The following CCNY variants were observed in gnomAD, a reference collection of about 807,000 sequenced individuals.
CCNY encodes the protein cyclin Y, also known as cyclin-Y.
CCNY carries 19 observed loss-of-function variants against 42.8 expected under a neutral mutation model. The ratio of observed to expected loss-of-function variants is 0.44; its 90% CI spans 0.31 to 0.65. The LOEUF is 0.65. Among genes scored for constraint, CCNY ranks in the 30% least tolerant of loss-of-function variants. The pLI is 0.07. For missense variants in CCNY, 370 were observed against 437.3 expected (o/e 0.85, Z 1.37); for synonymous variants, 165 against 162.7 (o/e 1.01, Z -0.11).
intron 3 of CCNY, among the ~76,000 whole-genome samples, chr10:35,286,362 CTTT>C (rs546422909): frequency 7.1e-6 from 1 of 141,790 alleles, no homozygotes. Flanking sequence ...TTTTACCATA[CTTT>C]TTTTTTTTTT....
chr10:35,495,875 AG>A (rs1393771373), intron 2 of CCNY, among the ~76,000 whole-genome samples: 1 of 152,214 alleles, frequency 6.6e-6, no homozygotes. Context: ...GGGGCTCAAC[AG>A]TTGTTTTGAA....
intron 3 of CCNY, among the ~76,000 whole-genome samples, chr10:35,272,318 G>A (rs1038514704): frequency 9.2e-5 from 14 of 151,758 alleles, no homozygotes; most frequent in African/African-American, 3.4e-4. Flanking sequence ...TTACATTCAG[G>A]GGTACATGTG....
intron 3 of CCNY, among the ~76,000 whole-genome samples, chr10:35,277,119 G>T (rs188847637): frequency 8.5e-5 from 13 of 152,280 alleles, no homozygotes; most frequent in South Asian, 2.1e-4. Flanking sequence ...TTCTTCCCTT[G>T]TCAGGCCCAG....
chr10:35,486,117 A>G (rs1564430392), intron 2 of CCNY, among the ~76,000 whole-genome samples: 1 of 152,180 alleles, frequency 6.6e-6, no homozygotes, highest in Admixed American at 6.5e-5. Flanking sequence ...TAAGAATTCC[A>G]GTTAACTTTC....
intron 1 of CCNY, among the ~76,000 whole-genome samples, chr10:35,424,641 A>G (rs1285359390): frequency 1.3e-5 from 2 of 152,206 alleles, no homozygotes; most frequent in East Asian, 3.8e-4. Context: ...ACAGGGAGGC[A>G]TGTCTGATAC....
intron 1 of CCNY, among the ~76,000 whole-genome samples, chr10:35,354,264 C>A (rs571973808): frequency 2.0e-5 from 3 of 150,794 alleles, no homozygotes; most frequent in Admixed American, 2.0e-4. Context: ...CAGCTCACTG[C>A]AACCTCTGTC....
At chr10:35,345,491 G>A (rs1043167992) in intron 1 of CCNY, among the ~76,000 whole-genome samples, 2 of 150,324 alleles carry the variant, frequency 1.3e-5, no homozygotes, top group East Asian at 1.9e-4. Context: ...AAACTGACTC[G>A]CCTTACACAT....
chr10:35,511,848 C>G (rs1299992337), intron 3 of CCNY, among the ~76,000 whole-genome samples: 1 of 152,064 alleles, frequency 6.6e-6, no homozygotes, highest in African/African-American at 2.4e-5. Context: ...AACCGTGAAC[C>G]TGGAGAGATG....
At chr10:35,412,212 T>C (rs1047865328) in intron 1 of CCNY, among the ~76,000 whole-genome samples, 7 of 152,192 alleles carry the variant, frequency 4.6e-5, no homozygotes, top group African/African-American at 1.7e-4. Context: ...GGGGAAGTTG[T>C]AACTTCGTTA....
intron 1 of CCNY, among the ~76,000 whole-genome samples, chr10:35,466,111 T>C (rs1325090805): frequency 1.3e-5 from 2 of 152,008 alleles, no homozygotes. Context: ...CTCATTTCTG[T>C]AGTCAGCACA....
intron 3 of CCNY, among the ~76,000 whole-genome samples, chr10:35,275,317 T>C (rs1235142589): frequency 6.6e-6 from 1 of 151,676 alleles, no homozygotes; most frequent in East Asian, 2.0e-4. Flanking sequence ...CTGCCCGCAT[T>C]GGCCTCCCAA....
intron 3 of CCNY, 71 bp from the exon 4 acceptor site, chr10:35,516,451 CG>C: frequency 1.0e-6 from 1 of 980,164 alleles, no homozygotes; most frequent in Non-Finnish European, 1.6e-6. Context: ...TCAAGTTAAG[CG>C]GGGGTGATGT....
chr10:35,440,439 T>G (rs1271541984), intron 1 of CCNY, among the ~76,000 whole-genome samples: 1 of 152,226 alleles, frequency 6.6e-6, no homozygotes, highest in African/African-American at 2.4e-5. Flanking sequence ...CAAGCGTAGA[T>G]GAGATGTAAG....
chr10:35,436,520 G>A (rs1838536394), intron 1 of CCNY, among the ~76,000 whole-genome samples: 1 of 152,172 alleles, frequency 6.6e-6, no homozygotes, highest in Non-Finnish European at 1.5e-5. Context: ...TCCAGGGAGA[G>A]AGCTGTTGTG....
chr10:35,335,557 T>C (rs1836003825), upstream of CCNY, among the ~76,000 whole-genome samples: 1 of 151,486 alleles, frequency 6.6e-6, no homozygotes, highest in Non-Finnish European at 1.5e-5. Flanking sequence ...CTTATTTAAA[T>C]GCTTAGAAAA....
intron 4 of CCNY, among the ~76,000 whole-genome samples, chr10:35,521,972 G>A (rs965376283): frequency 6.6e-6 from 1 of 152,128 alleles, no homozygotes; most frequent in South Asian, 2.1e-4. Context: ...CCAACAAAAC[G>A]GGTGTCAAGG....
At chr10:35,503,290 G>C (rs960965962) in intron 3 of CCNY, among the ~76,000 whole-genome samples, 4 of 152,164 alleles carry the variant, frequency 2.6e-5, no homozygotes, top group Non-Finnish European at 4.4e-5. Context: ...GACACAGAGT[G>C]AAATCACACA....
chr10:35,322,332 TGACAGAGCAA>T (rs1343183084), intron 3 of CCNY, among the ~76,000 whole-genome samples: 1 of 147,088 alleles, frequency 6.8e-6, no homozygotes, highest in Non-Finnish European at 1.5e-5. Context: ...CCAGCCTGGG[TGACAGAGCAA>T]GACTCTGTCT....
chr10:35,278,518 G>A (rs1008976539), intron 3 of CCNY, among the ~76,000 whole-genome samples: 4 of 152,138 alleles, frequency 2.6e-5, no homozygotes, highest in African/African-American at 9.7e-5. Flanking sequence ...AATTTTCTTA[G>A]ATATTCCCTG....
Sources: allele counts gnomAD v4.1 joint callset (sites outside exome capture counted in the v4.1 genomes callset), GRCh38; gene constraint gnomAD v4.1.1; transcripts MANE v1.5; gene names NCBI Gene and HGNC (gene_info 2026-07-23, HGNC 2026-07-21).